SGCZ: variants seen among roughly 807,000 people sequenced by gnomAD.
The protein encoded by SGCZ is sarcoglycan zeta, also known as zeta-sarcoglycan.
Under a neutral mutation model 41.3 loss-of-function variants are expected in SGCZ, and 40 were observed. The observed-to-expected ratio is 0.97, with a 90% CI of 0.75 to 1.26. SGCZ has a LOEUF of 1.26. Ranked by LOEUF, SGCZ falls within the 50% of genes most tolerant of loss-of-function variation. SGCZ has a pLI of 0.00. For missense variants in SGCZ, 552 were observed against 369.8 expected, an observed-to-expected ratio of 1.49 and a Z score of -4.04; for synonymous variants, 206 against 137.5, an observed-to-expected ratio of 1.50 and a Z score of -3.49.
intron 1 of SGCZ, among the ~76,000 whole-genome samples, chr8:15,205,336 A>C (rs1362786229): frequency 6.6e-6 from 1 of 152,226 alleles, no homozygotes; most frequent in Non-Finnish European, 1.5e-5. Context: ...AGAATGGGAG[A>C]AAATATTTGC....
At chr8:14,809,447 A>C (rs914229481) in intron 1 of SGCZ, among the ~76,000 whole-genome samples, 6 of 152,126 alleles carry the variant, frequency 3.9e-5, no homozygotes, top group African/African-American at 1.4e-4. Flanking sequence ...AAAAACACAA[A>C]GTGTCCTGAA....
At chr8:15,052,306 A>G (rs1804542908) in intron 1 of SGCZ, among the ~76,000 whole-genome samples, 1 of 152,236 alleles carries the variant, frequency 6.6e-6, no homozygotes, top group African/African-American at 2.4e-5. Flanking sequence ...TTCAGCTTTC[A>G]GTGAAATGAA....
At chr8:14,951,243 G>C (rs568761711) in intron 1 of SGCZ, among the ~76,000 whole-genome samples, 1 of 151,912 alleles carries the variant, frequency 6.6e-6, no homozygotes, top group Non-Finnish European at 1.5e-5. Context: ...TTAATTTCAT[G>C]TAAAATAATT....
intron 1 of SGCZ, among the ~76,000 whole-genome samples, chr8:14,753,066 C>T (rs143742394): frequency 5.4e-4 from 82 of 152,218 alleles, no homozygotes; most frequent in African/African-American, 1.5e-3. Context: ...TGTAATTGGA[C>T]AGTTTTGGTT....
At chr8:14,128,069 A>T (rs772227558) in intron 5 of SGCZ, among the ~76,000 whole-genome samples, 2 of 152,192 alleles carry the variant, frequency 1.3e-5, no homozygotes, top group Non-Finnish European at 2.9e-5. Flanking sequence ...AATAGCTATC[A>T]TTAAACAGTC....
chr8:14,151,870 A>G (rs1289293261), intron 5 of SGCZ, among the ~76,000 whole-genome samples: 1 of 152,132 alleles, frequency 6.6e-6, no homozygotes, highest in East Asian at 1.9e-4. Context: ...AGCTTGGAAC[A>G]ATGGCATACA....
At position 14,981,322 on chromosome 8, in the gene SGCZ, T is replaced by A. The variant is rs370522635; in HGVS notation, c.39+256263A>T. ...AGGATATATTTCAAAACTGAATACGTTGTCTTTTCACCTGTGTTAAGATGC... is the reference window on the plus strand; with the variant it reads ...AGGATATATTTCAAAACTGAATACGATGTCTTTTCACCTGTGTTAAGATGC... On this transcript the variant is annotated intron_variant, in intron 1 of 7. Transcript: ENST00000382080. Among the ~76,000 whole-genome samples, 6 of 152,170 alleles carry A rather than the reference T, an allele frequency of 3.9e-5. No individual in the cohort carries two copies. The East Asian group carries it at 1.2e-3, about 29-fold the overall frequency.
At chr8:14,591,799 A>G (rs1194894932) in intron 1 of SGCZ, among the ~76,000 whole-genome samples, 1 of 152,168 alleles carries the variant, frequency 6.6e-6, no homozygotes, top group Non-Finnish European at 1.5e-5. Context: ...ATTCATGTCA[A>G]CGAGACTTAA....
At chr8:15,010,706 A>G (rs773205098) in intron 1 of SGCZ, among the ~76,000 whole-genome samples, 1 of 152,176 alleles carries the variant, frequency 6.6e-6, no homozygotes, top group Non-Finnish European at 1.5e-5. Flanking sequence ...AATGTGATAT[A>G]GAGGCTTGGT....
chr8:14,520,852 T>A (rs1341574449), intron 2 of SGCZ, among the ~76,000 whole-genome samples: 3 of 152,112 alleles, frequency 2.0e-5, no homozygotes, highest in Non-Finnish European at 4.4e-5. Flanking sequence ...CTAATAACAG[T>A]GCACATTTTT....
chr8:14,528,832 A>AC (rs1554532884), intron 2 of SGCZ, among the ~76,000 whole-genome samples: 1 of 97,562 alleles, frequency 1.0e-5, no homozygotes, highest in Non-Finnish European at 2.1e-5. Context: ...CCAGCCAAAA[A>AC]AAAAACAAAA....
intron 5 of SGCZ, among the ~76,000 whole-genome samples, chr8:14,119,221 G>A (rs748000785): frequency 2.6e-5 from 4 of 151,794 alleles, no homozygotes; most frequent in Non-Finnish European, 4.4e-5. Context: ...ATTTGTTTGT[G>A]GCCCCTCTTA....
intron 3 of SGCZ, among the ~76,000 whole-genome samples, chr8:14,287,402 C>A (rs1453000528): frequency 6.6e-6 from 1 of 151,642 alleles, no homozygotes. Flanking sequence ...AGTGCTAAGA[C>A]TCTACAAAGA....
At chr8:15,150,270 T>A (rs1244315456) in intron 1 of SGCZ, among the ~76,000 whole-genome samples, 2 of 152,224 alleles carry the variant, frequency 1.3e-5, no homozygotes, top group Non-Finnish European at 2.9e-5. Context: ...TACAAAGTTA[T>A]TACAATTGAT....
chr8:14,819,180 A>T (rs1801994628), intron 1 of SGCZ, among the ~76,000 whole-genome samples: 1 of 152,156 alleles, frequency 6.6e-6, no homozygotes, highest in Non-Finnish European at 1.5e-5. Flanking sequence ...GCTGCAAGAG[A>T]ATAGTGTCAA....
chr8:14,184,508 G>A (rs1804840011), intron 4 of SGCZ, among the ~76,000 whole-genome samples: 1 of 152,092 alleles, frequency 6.6e-6, no homozygotes, highest in Non-Finnish European at 1.5e-5. Flanking sequence ...AAGATATAAA[G>A]TTTCTGTATC....
chr8:15,009,537 G>T (rs1309785534), intron 1 of SGCZ, among the ~76,000 whole-genome samples: 3 of 152,148 alleles, frequency 2.0e-5, no homozygotes, highest in African/African-American at 4.8e-5. Flanking sequence ...GAGGAAAATG[G>T]CATCCACTTA....
chr8:14,538,476 T>G (rs1190770608), intron 2 of SGCZ, among the ~76,000 whole-genome samples: 3 of 151,974 alleles, frequency 2.0e-5, no homozygotes, highest in Admixed American at 6.6e-5. Context: ...ACCCAACCTG[T>G]GGAAGTGAGG....
intron 1 of SGCZ, among the ~76,000 whole-genome samples, chr8:14,825,666 T>TA (rs1258090126): frequency 3.3e-5 from 5 of 152,166 alleles, no homozygotes; most frequent in African/African-American, 7.2e-5. Context: ...TTGCTTATCT[T>TA]ACAACTGAAA....
Sources: gnomAD v4.1 joint callset for allele counts (sites outside exome capture counted in the v4.1 genomes callset) on GRCh38, gnomAD v4.1.1 for gene constraint, MANE v1.5 for transcripts, NCBI Gene and HGNC (gene_info 2026-07-23, HGNC 2026-07-21) for gene names.